The following CTNNA2 variants were observed in gnomAD, a reference collection of about 807,000 sequenced individuals.
The protein encoded by CTNNA2 is catenin alpha-2.
CTNNA2 carries 42 observed loss-of-function variants against 101.0 expected under a neutral mutation model. The observed-to-expected ratio is 0.42, with a 90% confidence interval of 0.32 to 0.54. The LOEUF is 0.54. Among genes scored for constraint, CTNNA2 ranks in the 20% least tolerant of loss-of-function variants. The pLI is 0.14. For synonymous variants in CTNNA2, 450 were observed against 456.4 expected, an observed-to-expected ratio of 0.99 and a Z score of 0.18; for missense variants, 871 against 1,223.1, an observed-to-expected ratio of 0.71 and a Z score of 4.29.
intron 9 of CTNNA2, among the ~76,000 whole-genome samples, chr2:80,504,210 G>A (rs748458279): frequency 6.6e-6 from 1 of 152,150 alleles, no homozygotes; most frequent in Non-Finnish European, 1.5e-5. Context: ...AGTATCTTGA[G>A]ATTATAGAAT....
chr2:79,289,082 C>T (rs1160699349), intron 2 of CTNNA2, among the ~76,000 whole-genome samples: 1 of 152,170 alleles, frequency 6.6e-6, no homozygotes, highest in Non-Finnish European at 1.5e-5. Context: ...TTTCCAAGGA[C>T]AGAGTCTAAT....
At chr2:79,467,597 GA>G (rs1670953060) in intron 4 of CTNNA2, among the ~76,000 whole-genome samples, 1 of 152,160 alleles carries the variant, frequency 6.6e-6, no homozygotes, top group Non-Finnish European at 1.5e-5. Flanking sequence ...AAGTTGAAAT[GA>G]AGGAAAAAAT....
chr2:79,272,283 G>T (rs1053404940), intron 2 of CTNNA2, among the ~76,000 whole-genome samples: 2 of 151,872 alleles, frequency 1.3e-5, no homozygotes, highest in African/African-American at 4.8e-5. Context: ...CAAGATTTCA[G>T]ATCTCTTCCT....
At chr2:80,155,795 G>C (rs1703970051) in intron 7 of CTNNA2, among the ~76,000 whole-genome samples, 1 of 151,944 alleles carries the variant, frequency 6.6e-6, no homozygotes, top group Non-Finnish European at 1.5e-5. Flanking sequence ...CATTTTTTCT[G>C]TCTGCTCACA....
At chr2:79,640,350 AC>A (rs1680369261) in intron 1 of CTNNA2, among the ~76,000 whole-genome samples, 1 of 152,132 alleles carries the variant, frequency 6.6e-6, no homozygotes, top group Non-Finnish European at 1.5e-5. Context: ...CACAGCTTGA[AC>A]TATACTTTGC....
intron 7 of CTNNA2, among the ~76,000 whole-genome samples, chr2:80,172,660 C>G (rs971275925): frequency 1.2e-4 from 19 of 152,132 alleles, no homozygotes; most frequent in African/African-American, 4.1e-4. Flanking sequence ...GCTCTAGAGG[C>G]CAGAAGTCTG....
intron 7 of CTNNA2, among the ~76,000 whole-genome samples, chr2:80,341,696 A>C (rs1163948710): frequency 6.6e-6 from 1 of 152,206 alleles, no homozygotes; most frequent in Non-Finnish European, 1.5e-5. Flanking sequence ...ACTTTGCAAA[A>C]TAGTTCGGTA....
chr2:79,200,988 T>C (rs1674026880), intron 2 of CTNNA2, among the ~76,000 whole-genome samples: 1 of 152,108 alleles, frequency 6.6e-6, no homozygotes, highest in Non-Finnish European at 1.5e-5. Flanking sequence ...GAAACTACAA[T>C]GTGGGGCAAC....
chr2:80,080,009 A>G (rs1419371647), intron 7 of CTNNA2, among the ~76,000 whole-genome samples: 2 of 152,164 alleles, frequency 1.3e-5, no homozygotes, highest in African/African-American at 4.8e-5. Context: ...TGATTAAAAT[A>G]ATGATTTGAG....
intron 1 of CTNNA2, among the ~76,000 whole-genome samples, chr2:79,559,107 T>C (rs568770874): frequency 6.6e-6 from 1 of 151,994 alleles, no homozygotes; most frequent in South Asian, 2.1e-4. Context: ...AGGTTGAACT[T>C]TATAGATAGT....
intron 2 of CTNNA2, among the ~76,000 whole-genome samples, 157 bp downstream of exon 2, chr2:79,651,815 T>C (rs980983146): frequency 6.6e-6 from 1 of 152,326 alleles, no homozygotes; most frequent in African/African-American, 2.4e-5. Context: ...GGCAATCTCA[T>C]TGCCCTATAA....
intron 7 of CTNNA2, among the ~76,000 whole-genome samples, chr2:80,033,490 A>G (rs1426530434): frequency 6.6e-6 from 1 of 152,060 alleles, no homozygotes; most frequent in Non-Finnish European, 1.5e-5. Flanking sequence ...TGGGAGGATC[A>G]ATGAAGCCCA....
At chr2:80,414,753 C>T (rs935041858) in intron 8 of CTNNA2, among the ~76,000 whole-genome samples, 6 of 152,174 alleles carry the variant, frequency 3.9e-5, no homozygotes, top group Non-Finnish European at 7.3e-5. Context: ...ATTTTGTGAA[C>T]TGACAGGTCA....
chr2:80,562,981 C>T (rs1693740797), intron 12 of CTNNA2, among the ~76,000 whole-genome samples: 1 of 150,774 alleles, frequency 6.6e-6, no homozygotes, highest in Admixed American at 6.6e-5. Flanking sequence ...TGTGTATAGG[C>T]CATAAATTTG....
intron 7 of CTNNA2, among the ~76,000 whole-genome samples, chr2:79,994,052 T>C (rs1692366027): frequency 6.6e-6 from 1 of 151,960 alleles, no homozygotes; most frequent in Non-Finnish European, 1.5e-5. Flanking sequence ...AGACCAGAGG[T>C]GTGCACCACC....
intron 7 of CTNNA2, among the ~76,000 whole-genome samples, chr2:80,217,414 T>A (rs76589201): frequency 0.029 from 4,460 of 152,152 alleles, 232 homozygotes; most frequent in African/African-American, 0.1. Flanking sequence ...TCTGTGCAAA[T>A]CATCTAACCT....
chr2:80,482,940 AC>A (rs1686262814), intron 9 of CTNNA2, among the ~76,000 whole-genome samples: 1 of 151,966 alleles, frequency 6.6e-6, no homozygotes, highest in Non-Finnish European at 1.5e-5. Flanking sequence ...CATTTACACT[AC>A]CTGTCTTGCC....
At chr2:79,666,419 T>G (rs1351128454) in intron 2 of CTNNA2, among the ~76,000 whole-genome samples, 1 of 152,242 alleles carries the variant, frequency 6.6e-6, no homozygotes, top group Non-Finnish European at 1.5e-5. Flanking sequence ...AATTTGTGAT[T>G]GACTTTGATG....
chr2:80,407,897 G>C (rs1679208068), intron 8 of CTNNA2, among the ~76,000 whole-genome samples: 1 of 152,220 alleles, frequency 6.6e-6, no homozygotes, highest in African/African-American at 2.4e-5. Context: ...GAGAGGGAAG[G>C]TAGCTCAGAG....
Sources: allele counts gnomAD v4.1 joint callset (sites outside exome capture counted in the v4.1 genomes callset), GRCh38; gene constraint gnomAD v4.1.1; transcripts MANE v1.5; gene names NCBI Gene and HGNC (gene_info 2026-07-23, HGNC 2026-07-21).